REEP1: variants seen among roughly 807,000 people sequenced by gnomAD.
REEP1 encodes the protein receptor expression-enhancing protein 1.
Under a neutral mutation model 40.3 loss-of-function variants are expected in REEP1, and 22 were observed. The ratio of observed to expected loss-of-function variants is 0.55; its 90% confidence interval spans 0.39 to 0.78. REEP1 has a LOEUF of 0.78. Ranked by LOEUF, REEP1 falls within the 30% of genes least tolerant of loss-of-function variation. The pLI is 0.00. For synonymous variants in REEP1, 116 were observed against 139.2 expected (o/e 0.83, Z 1.17); for missense variants, 280 against 361.1 (o/e 0.78, Z 1.82).
chr2:86,326,367 T>C (rs924685156), intron 1 of REEP1, among the ~76,000 whole-genome samples: 1 of 152,246 alleles, frequency 6.6e-6, no homozygotes, highest in African/African-American at 2.4e-5. Context: ...GAAATATTTT[T>C]AGTGGTTCTT....
chr2:86,241,318 A>T lies in REEP1; in HGVS notation c.418-8516T>A, dbSNP rs1003018602. On this transcript the variant is annotated intron_variant, in intron 5 of 8. Transcript: ENST00000538924. ...CGCTGGTGCAAAGTGAGCTCTAATT[A>T]TACTGGTGTGCAAACATGCCCACGC... is the stretch of plus-strand genomic sequence containing the variant. Among the ~76,000 whole-genome samples the T allele has an allele frequency of 3.9e-5, 6 of 152,264 alleles. No individual in the cohort carries two copies. In the South Asian group the frequency reaches 1.2e-3, roughly 31 times the overall value.
intron 5 of REEP1, among the ~76,000 whole-genome samples, chr2:86,233,817 G>C (rs76144982): frequency 6.6e-6 from 1 of 152,010 alleles, no homozygotes; most frequent in Non-Finnish European, 1.5e-5. Context: ...GGGTTCCCTC[G>C]GGTGCATGGC....
At chr2:86,299,411 G>A (rs1023586248) in intron 1 of REEP1, among the ~76,000 whole-genome samples, 1 of 152,150 alleles carries the variant, frequency 6.6e-6, no homozygotes. Context: ...AGACACCACC[G>A]AATGTCCTCT....
chr2:86,227,091 C>G (rs1674748956), intron 7 of REEP1, among the ~76,000 whole-genome samples: 1 of 152,204 alleles, frequency 6.6e-6, no homozygotes, highest in Non-Finnish European at 1.5e-5. Context: ...CCAGTTTCGT[C>G]AAGCCCTCCG....
chr2:86,252,780 T>C (rs1217877479), intron 4 of REEP1, among the ~76,000 whole-genome samples: 3 of 152,158 alleles, frequency 2.0e-5, no homozygotes, highest in Admixed American at 6.6e-5. Context: ...ATAAGGGAGA[T>C]TGTTTTACAC....
intron 3 of REEP1, among the ~76,000 whole-genome samples, chr2:86,255,232 G>T (rs1260368246): frequency 2.0e-5 from 3 of 151,574 alleles, no homozygotes; most frequent in African/African-American, 7.2e-5. Context: ...TCCAAGAAGG[G>T]ACAAACACCA....
intron 7 of REEP1, among the ~76,000 whole-genome samples, chr2:86,222,828 G>A (rs1005924974): frequency 6.6e-6 from 1 of 152,146 alleles, no homozygotes; most frequent in African/African-American, 2.4e-5. Flanking sequence ...ACAGAACATA[G>A]TCCCAAAAGA....
At chr2:86,257,760 C>T (rs1053221441) in intron 3 of REEP1, among the ~76,000 whole-genome samples, 1 of 152,224 alleles carries the variant, frequency 6.6e-6, no homozygotes, top group African/African-American at 2.4e-5. Flanking sequence ...GCCTTGGCCT[C>T]CCAAGTAGCT....
At chr2:86,284,047 G>A (rs892691975) in intron 1 of REEP1, among the ~76,000 whole-genome samples, 1 of 152,132 alleles carries the variant, frequency 6.6e-6, no homozygotes, top group Non-Finnish European at 1.5e-5. Flanking sequence ...TTTAAGAGAG[G>A]GTAGTGCCAA....
At position 86,266,708 on chromosome 2, in the gene REEP1, C is replaced by CA. The variant is rs548107372; in HGVS notation, c.106-2668dup. 2.1e-3 allele frequency among the ~76,000 whole-genome samples: 316 copies of CA among 148,968 alleles called. 2 individuals carry two copies. Among genetic ancestry groups the CA allele is most frequent in the African/African-American group, 6.9e-3 (281 of 40,846 alleles). The stretch of plus-strand genomic sequence containing the variant: ...AGATATACTACCAAAAGCACACACA[C>CA]AAAAAAACAAACTAAAAGGCCAGGC... On this transcript the variant is annotated intron_variant, in intron 2 of 8. Transcript: ENST00000538924.
Position 86,216,958 on chromosome 2 carries a change from G to A in REEP1, c.*81C>T, listed in dbSNP as rs1402565589. The A allele has an allele frequency of 3.2e-5, 40 of 1,233,916 alleles. No homozygotes were observed. Among genetic ancestry groups the A allele is most frequent in the South Asian group, 7.4e-5 (6 of 80,864 alleles). 76.4% of individuals were successfully genotyped at this position (1,233,916 alleles called of 1,614,324 possible). On this transcript the variant is annotated 3_prime_UTR_variant, in exon 9 of 9. Coordinates refer to ENST00000538924, the MANE Select transcript of REEP1 (RefSeq NM_001371279.1). Reference sequence around the variant, plus strand: ...CACACTCAAAGCACACCCAGCTTGCGGATTTCTATGTTATTAGTGAATAGC... The same window carrying A: ...CACACTCAAAGCACACCCAGCTTGCAGATTTCTATGTTATTAGTGAATAGC...
intron 1 of REEP1, among the ~76,000 whole-genome samples, chr2:86,295,869 T>C (rs1018168690): frequency 2.0e-5 from 3 of 152,216 alleles, no homozygotes; most frequent in African/African-American, 7.2e-5. Flanking sequence ...AATAAAGATA[T>C]TTCTCTCAAC....
intron 1 of REEP1, among the ~76,000 whole-genome samples, chr2:86,288,229 G>T (rs1190880970): frequency 6.6e-6 from 1 of 152,000 alleles, no homozygotes; most frequent in Non-Finnish European, 1.5e-5. Context: ...CACCATGCTG[G>T]CCAAGCTGGT....
chr2:86,279,903 G>A (rs1014702097), intron 2 of REEP1: 9 of 454,540 alleles, frequency 2.0e-5, no homozygotes, highest in Admixed American at 1.7e-4. Flanking sequence ...AAGCCACTAA[G>A]TTCACGGTAA....
chr2:86,308,000 T>G (rs1343456105), intron 1 of REEP1, among the ~76,000 whole-genome samples: 1 of 152,188 alleles, frequency 6.6e-6, no homozygotes, highest in Non-Finnish European at 1.5e-5. Flanking sequence ...TTAAAAAACA[T>G]GTCTTAAAAT....
At chr2:86,324,381 A>G (rs1405060808) in intron 1 of REEP1, among the ~76,000 whole-genome samples, 1 of 152,196 alleles carries the variant, frequency 6.6e-6, no homozygotes, top group East Asian at 1.9e-4. Flanking sequence ...GCCAATAAAC[A>G]TATGAAAAGA....
At chr2:86,306,255 T>C (rs1679474892) in intron 1 of REEP1, among the ~76,000 whole-genome samples, 1 of 152,168 alleles carries the variant, frequency 6.6e-6, no homozygotes, top group Admixed American at 6.6e-5. Context: ...CTTCAGTATG[T>C]TCATGCTGTG....
intron 5 of REEP1, among the ~76,000 whole-genome samples, chr2:86,244,652 C>G (rs1232436649): frequency 6.6e-6 from 1 of 152,116 alleles, no homozygotes; most frequent in African/African-American, 2.4e-5. Context: ...ACCTTATATA[C>G]AGAGGCCCCA....
chr2:86,238,187 T>G (rs1425019723), intron 5 of REEP1, among the ~76,000 whole-genome samples: 2 of 152,122 alleles, frequency 1.3e-5, no homozygotes, highest in African/African-American at 4.8e-5. Flanking sequence ...GTCTCAAAAA[T>G]AGTAATAATA....
Sources: gnomAD v4.1 joint callset for allele counts (sites outside exome capture counted in the v4.1 genomes callset) on GRCh38, gnomAD v4.1.1 for gene constraint, MANE v1.5 for transcripts, NCBI Gene and HGNC (gene_info 2026-07-23, HGNC 2026-07-21) for gene names.